SLC1A1: variants seen among roughly 807,000 people sequenced by gnomAD.
The protein encoded by SLC1A1 is solute carrier family 1 member 1.
Under a neutral mutation model 53.3 loss-of-function variants are expected in SLC1A1, and 43 were observed. The ratio of observed to expected loss-of-function variants is 0.81; its 90% CI spans 0.63 to 1.04. The LOEUF (loss-of-function observed/expected upper bound fraction) is 1.04. Ranked by LOEUF, SLC1A1 falls within the 50% of genes least tolerant of loss-of-function variation. The pLI, the probability that SLC1A1 is intolerant of heterozygous loss-of-function variation, is 0.00. For missense variants in SLC1A1, 748 were observed against 664.9 expected (o/e 1.12, Z -1.37); for synonymous variants, 307 against 243.2 (o/e 1.26, Z -2.44).
chr9:4,557,975 G>A (rs767676814), intron 2 of SLC1A1, among the ~76,000 whole-genome samples: 2 of 152,122 alleles, frequency 1.3e-5, no homozygotes, highest in Non-Finnish European at 2.9e-5. Context: ...AATAATGCCC[G>A]CCTCCTTGGG....
At chr9:4,498,317 T>C (rs72687840) in intron 1 of SLC1A1, among the ~76,000 whole-genome samples, 4,966 of 152,340 alleles carry the variant, frequency 0.033, 132 homozygotes, top group South Asian at 0.06. Context: ...TAATATGTTC[T>C]ATGTCAGTAT....
chr9:4,566,954 G>C (rs987519574), intron 5 of SLC1A1, among the ~76,000 whole-genome samples: 1 of 152,128 alleles, frequency 6.6e-6, no homozygotes, highest in Non-Finnish European at 1.5e-5. Flanking sequence ...GCTCTCTGCC[G>C]GCCTCCACGA....
rs1821316220 is a variant in SLC1A1 at position 4,583,751 on chromosome 9, C to T, written c.1328+579C>T. Among the ~76,000 whole-genome samples, 1 of 152,064 alleles carries T rather than the reference C, an allele frequency of 6.6e-6. No homozygotes were observed. Among genetic ancestry groups the T allele is most frequent in the African/African-American group, 2.4e-5 (1 of 41,378 alleles). ...ACTGAGTGAGCTCATGTGAGTGGAGCATCTAGAACAGCGTTTGGCAGCCCA... is the reference window on the plus strand; with the variant it reads ...ACTGAGTGAGCTCATGTGAGTGGAGTATCTAGAACAGCGTTTGGCAGCCCA... On this transcript the variant is annotated intron_variant, in intron 11 of 11. Transcript: ENST00000262352. The surrounding 1 kb of genome is among the most constrained non-coding windows in gnomAD (Gnocchi z 4.6).
chr9:4,540,208 G>T (rs967804704), intron 1 of SLC1A1, among the ~76,000 whole-genome samples: 1 of 152,020 alleles, frequency 6.6e-6, no homozygotes, highest in Non-Finnish European at 1.5e-5. Context: ...GTCTGGCCAG[G>T]GATGGCCAGA....
At chr9:4,521,141 G>A (rs1478464946) in intron 1 of SLC1A1, among the ~76,000 whole-genome samples, 1 of 152,072 alleles carries the variant, frequency 6.6e-6, no homozygotes, top group Non-Finnish European at 1.5e-5. Context: ...TTGTTGAGTT[G>A]TAAGAATTCT....
At chr9:4,502,608 C>A (rs1820674956) in intron 1 of SLC1A1, among the ~76,000 whole-genome samples, 1 of 151,530 alleles carries the variant, frequency 6.6e-6, no homozygotes, top group Non-Finnish European at 1.5e-5. Flanking sequence ...GATGAGGAAA[C>A]TGAAATTTAC....
intron 10 of SLC1A1, among the ~76,000 whole-genome samples, chr9:4,578,562 C>A (rs1446515873): frequency 6.6e-6 from 1 of 152,068 alleles, no homozygotes; most frequent in Non-Finnish European, 1.5e-5. Context: ...GGGAGGGAAG[C>A]CAGTAAACCT....
chr9:4,571,926 A>G (rs1014927814), intron 6 of SLC1A1, among the ~76,000 whole-genome samples: 1 of 152,222 alleles, frequency 6.6e-6, no homozygotes, highest in Admixed American at 6.5e-5. Context: ...TAATAAAAAT[A>G]TAAACCATTC....
intron 1 of SLC1A1, among the ~76,000 whole-genome samples, chr9:4,522,790 G>C (rs1242860981): frequency 6.6e-6 from 1 of 152,106 alleles, no homozygotes; most frequent in Non-Finnish European, 1.5e-5. Flanking sequence ...TCACTATCAT[G>C]AGAACAACAT....
At chr9:4,579,723 C>G (rs562611556) in intron 10 of SLC1A1, among the ~76,000 whole-genome samples, 71 of 152,274 alleles carry the variant, frequency 4.7e-4, no homozygotes, top group African/African-American at 1.5e-3. Context: ...TGACAGTTAC[C>G]ATTATAGTTC....
chr9:4,510,955 TC>T (rs1820980080), intron 1 of SLC1A1, among the ~76,000 whole-genome samples: 1 of 152,212 alleles, frequency 6.6e-6, no homozygotes, highest in African/African-American at 2.4e-5. Flanking sequence ...AGGGATACTG[TC>T]CCTTAGCAAG....
chr9:4,579,544 C>A (rs560152521), intron 10 of SLC1A1, among the ~76,000 whole-genome samples: 36 of 152,290 alleles, frequency 2.4e-4, no homozygotes, highest in African/African-American at 8.7e-4. Context: ...GCTAAATAGT[C>A]AATTCTCATT....
In SLC1A1 at chr9:4,583,882, T is replaced by TCTCTCTCTCTCTCTCACACA. The variant is rs1423949414; in HGVS notation, c.1328+711_1328+712insTCTCTCTCTCTCTCACACAC. Among the ~76,000 whole-genome samples the TCTCTCTCTCTCTCTCACACA allele has an allele frequency of 1.4e-4, 19 of 137,042 alleles. No individual in the cohort carries two copies. Among genetic ancestry groups the TCTCTCTCTCTCTCTCACACA allele is most frequent in the African/African-American group, 5.4e-4 (19 of 35,354 alleles). 89.9% of individuals were successfully genotyped at this position (137,042 alleles called of 152,430 possible). A position where few individuals can be genotyped will look rare whatever the true frequency, so the allele number is the denominator to read the frequency against. ...CTCTCTCTCTCTCTCTCTCTCTCTC[T>TCTCTCTCTCTCTCTCACACA]CACACACACACACACACACACACAC... On this transcript the variant is annotated intron_variant, in intron 11 of 11. Transcript: ENST00000262352. The surrounding 1 kb of genome is among the most constrained non-coding windows in gnomAD (Gnocchi z 4.6).
At chr9:4,516,292 C>T (rs1821158957) in intron 1 of SLC1A1, among the ~76,000 whole-genome samples, 1 of 152,166 alleles carries the variant, frequency 6.6e-6, no homozygotes, top group South Asian at 2.1e-4. Flanking sequence ...TGGCTCCTGG[C>T]AGATTGCACT....
chr9:4,583,246 G>A lies in SLC1A1; in HGVS notation c.1328+74G>A, dbSNP rs1821271469. The stretch of plus-strand genomic sequence containing the variant: ...CCCAGCCTCGCAGGCGCTGCAGTCT[G>A]TCATCATTCTCTCCTCAGATTGCCT... On this transcript the variant is annotated intron_variant, in intron 11 of 11. Coordinates refer to ENST00000262352, the MANE Select transcript of SLC1A1 (RefSeq NM_004170.6). This position sits in a 1 kb window ranked among gnomAD's most constrained non-coding sequence, Gnocchi z 4.6. The A allele has an allele frequency of 6.3e-7, 1 of 1,583,962 alleles. No individual in the cohort carries two copies. Among genetic ancestry groups the A allele is most frequent in the East Asian group, 2.2e-5 (1 of 44,746 alleles).
chr9:4,544,799 G>C (rs975263805), intron 2 of SLC1A1, 92 bp downstream of exon 2: 27 of 1,091,354 alleles, frequency 2.5e-5, no homozygotes, highest in Non-Finnish European at 2.9e-5. Context: ...AAAGGAAAGA[G>C]GTTTAATTGA....
intron 1 of SLC1A1, among the ~76,000 whole-genome samples, chr9:4,536,517 G>A (rs1340401015): frequency 6.6e-6 from 1 of 152,168 alleles, no homozygotes; most frequent in Admixed American, 6.5e-5. Context: ...CAGTTAGAAT[G>A]GCAATCATTA....
rs1389466511 is a variant in SLC1A1 at position 4,561,438 on chromosome 9, C to T, written c.233-11C>T. 1 of 1,508,006 alleles carries T rather than the reference C, an allele frequency of 6.6e-7. No homozygotes were observed. The highest frequency in any genetic ancestry group is 1.1e-5 in the South Asian group (1 of 88,992). 93.4% of individuals were successfully genotyped at this position (1,508,006 alleles called of 1,614,324 possible). ...AAAATTAATGTAATTTGATTTCTGT[C>T]TCCCCTTCAGGTGTTGCTGCACTGG... is the stretch of plus-strand genomic sequence containing the variant. On this transcript the variant is annotated splice_polypyrimidine_tract_variant and intron_variant, in intron 2 of 11. Coordinates refer to ENST00000262352, the MANE Select transcript of SLC1A1 (RefSeq NM_004170.6).
At position 4,567,702 on chromosome 9, in the gene SLC1A1, A is replaced by T; in HGVS notation, c.517A>T (p.Ser173Cys). 6.2e-7 allele frequency: 1 copy of T among 1,613,454 alleles called. No homozygotes were observed. Among genetic ancestry groups the T allele is most frequent in the Non-Finnish European group, 8.5e-7 (1 of 1,179,508 alleles). ...KTKREEVKPP[S>C]DPEMNMTEES... ...TAAGCGTGAAGAAGTGAAGCCTCCC[A>T]GCGATCCAGAGATGAACATGACAGA... The change falls in exon 6 of 12, where the codon AGC becomes TGC. Residue 173 changes from serine to cysteine, a missense_variant. Physicochemically the swap from Ser to Cys is moderately radical, Grantham distance 112 (BLOSUM62 -1). Coordinates refer to ENST00000262352, the MANE Select transcript of SLC1A1 (RefSeq NM_004170.6).
Sources: gnomAD v4.1 joint callset for allele counts (sites outside exome capture counted in the v4.1 genomes callset) on GRCh38, gnomAD v4.1.1 for gene constraint, Gnocchi (gnomAD v3.1) non-coding constraint, MANE v1.5 for transcripts, NCBI Gene and HGNC (gene_info 2026-07-23, HGNC 2026-07-21) for gene names.